PXDC1: variants seen among roughly 807,000 people sequenced by gnomAD.
PXDC1 encodes the protein PX domain-containing protein 1.
A neutral mutation model predicts 24.4 loss-of-function variants in PXDC1; 13 were observed. The observed-to-expected ratio is 0.53, with a 90% CI of 0.35 to 0.85. The LOEUF is 0.85. Ranked by LOEUF, PXDC1 falls within the 40% of genes least tolerant of loss-of-function variation. PXDC1 has a pLI of 0.01. For missense variants in PXDC1, 344 were observed against 309.3 expected (o/e 1.11, Z -0.84); for synonymous variants, 162 against 124.9 (o/e 1.30, Z -1.98).
chr6:3,745,731 A>C (rs553357438), intron 1 of PXDC1, among the ~76,000 whole-genome samples: 2 of 152,198 alleles, frequency 1.3e-5, no homozygotes, highest in South Asian at 4.1e-4. Context: ...GTGATCCAGC[A>C]ATCTGGCAAG....
At chr6:3,750,696 G>A (rs938929682) in intron 1 of PXDC1, among the ~76,000 whole-genome samples, 6 of 152,194 alleles carry the variant, frequency 3.9e-5, no homozygotes, top group Non-Finnish European at 7.3e-5. Context: ...GGGGTGCGGG[G>A]GGGCCCTGGC....
intron 3 of PXDC1, among the ~76,000 whole-genome samples, chr6:3,732,442 C>T (rs931822712): frequency 6.6e-6 from 1 of 152,228 alleles, no homozygotes; most frequent in Non-Finnish European, 1.5e-5. Context: ...TGATTCATTT[C>T]CAGGCCTCTT....
Position 3,746,975 on chromosome 6 carries a change from G to A in PXDC1, c.256+4301C>T, listed in dbSNP as rs1435680540. 4.6e-5 allele frequency among the ~76,000 whole-genome samples: 7 copies of A among 152,242 alleles called. No individual in the cohort carries two copies. The South Asian group carries it at 1.0e-3, about 23-fold the overall frequency. ...GGTACTCGGATCTCAAATCTAAGAC[G>A]ACAGTCTCCTAGCATGCAGGTAGAT... On this transcript the variant is annotated intron_variant, in intron 1 of 4. Transcript: ENST00000380283.
Position 3,723,593 on chromosome 6 carries a change from A to C in PXDC1, c.*26T>G. On this transcript the variant is annotated 3_prime_UTR_variant, in exon 5 of 5. Coordinates refer to ENST00000380283, the MANE Select transcript of PXDC1 (RefSeq NM_183373.4). The stretch of plus-strand genomic sequence containing the variant: ...CATCAGAGCTGGCAGTGAACAGCTG[A>C]GGCGGGGGAGGCCTGATAGAGAGGT... 1 of 1,537,550 alleles carries C rather than the reference A, an allele frequency of 6.5e-7. No individual in the cohort carries two copies. Among genetic ancestry groups the C allele is most frequent in the Non-Finnish European group, 9.0e-7 (1 of 1,110,892 alleles).
At chr6:3,727,745 T>C in intron 3 of PXDC1, 83 bp from the exon 4 acceptor site, 4 of 844,728 alleles carry the variant, frequency 4.7e-6, no homozygotes, top group Non-Finnish European at 6.0e-6. Flanking sequence ...CCCATCTCCC[T>C]GCTTTCTCCT....
chr6:3,736,955 T>C (rs1199811170), intron 3 of PXDC1, 124 bp downstream of exon 3: 2 of 716,034 alleles, frequency 2.8e-6, no homozygotes, highest in Non-Finnish European at 5.1e-6. Context: ...ACATTCGCAT[T>C]TCTCTCGATT....
In PXDC1 at chr6:3,724,777, G is replaced by T. The variant is rs1219331565; in HGVS notation, c.579-1041C>A. Among the ~76,000 whole-genome samples the T allele has an allele frequency of 6.6e-6, 1 of 152,248 alleles. No individual in the cohort carries two copies. Among genetic ancestry groups the T allele is most frequent in the Non-Finnish European group, 1.5e-5 (1 of 68,040 alleles). On this transcript the variant is annotated intron_variant, in intron 4 of 4. Coordinates refer to ENST00000380283, the MANE Select transcript of PXDC1 (RefSeq NM_183373.4). This position sits in a 1 kb window ranked among gnomAD's most constrained non-coding sequence, Gnocchi z 4.5. ...GATGACTGCACAGTCCAGGCCCCTGGCCGGACACACAACAAGGCAGGGCGA... is the reference window on the plus strand; with the variant it reads ...GATGACTGCACAGTCCAGGCCCCTGTCCGGACACACAACAAGGCAGGGCGA...
chr6:3,737,008 T>C lies in PXDC1; in HGVS notation c.466+71A>G. ...TGGCCCAGCCTCAGAGACAGCCAACTGTGAGGGTTTCTGTGACATCTCAGC... is the reference window on the plus strand; with the variant it reads ...TGGCCCAGCCTCAGAGACAGCCAACCGTGAGGGTTTCTGTGACATCTCAGC... On this transcript the variant is annotated intron_variant, in intron 3 of 4. Coordinates refer to ENST00000380283, the MANE Select transcript of PXDC1 (RefSeq NM_183373.4). The surrounding 1 kb of genome is among the most constrained non-coding windows in gnomAD (Gnocchi z 5.5). The C allele has an allele frequency of 1.1e-6, 1 of 909,192 alleles. No individual in the cohort carries two copies. The highest frequency in any genetic ancestry group is 1.8e-6 in the Non-Finnish European group (1 of 541,860). 56.3% of individuals were successfully genotyped at this position (909,192 alleles called of 1,614,324 possible). A position where few individuals can be genotyped will look rare whatever the true frequency, so the allele number is the denominator to read the frequency against.
Position 3,723,166 on chromosome 6 carries a change from A to C in PXDC1, c.*453T>G, listed in dbSNP as rs1759977726. 2 of 160,100 alleles carry C rather than the reference A, an allele frequency of 1.2e-5. No individual in the cohort carries two copies. Among genetic ancestry groups the C allele is most frequent in the Non-Finnish European group, 2.7e-5 (2 of 73,964 alleles). 9.9% of individuals were successfully genotyped at this position (160,100 alleles called of 1,614,324 possible). A position where few individuals can be genotyped will look rare whatever the true frequency, so the allele number is the denominator to read the frequency against. The stretch of plus-strand genomic sequence containing the variant: ...CTGCCTGTGGCACCTGGAATGGGTG[A>C]CTTGTCAAAATCTCCCTCAAGACGT... On this transcript the variant is annotated 3_prime_UTR_variant, in exon 5 of 5. Coordinates refer to ENST00000380283, the MANE Select transcript of PXDC1 (RefSeq NM_183373.4).
Position 3,728,460 on chromosome 6 carries a change from A to G in PXDC1, c.467-798T>C, listed in dbSNP as rs1458141950. ...TCGCTTTATGTAATTCTGTATGTAA[A>G]TGATTTTTTTCCCAAATAAGCACAG... On this transcript the variant is annotated intron_variant, in intron 3 of 4. Coordinates refer to ENST00000380283, the MANE Select transcript of PXDC1 (RefSeq NM_183373.4). The surrounding 1 kb of genome is among the most constrained non-coding windows in gnomAD (Gnocchi z 4.0). Among the ~76,000 whole-genome samples the G allele has an allele frequency of 2.0e-5, 3 of 152,128 alleles. No individual in the cohort carries two copies. Among genetic ancestry groups the G allele is most frequent in the Non-Finnish European group, 4.4e-5 (3 of 68,026 alleles).
At chr6:3,744,159 A>C (rs1231694080) in intron 1 of PXDC1, among the ~76,000 whole-genome samples, 2 of 152,096 alleles carry the variant, frequency 1.3e-5, no homozygotes, top group Non-Finnish European at 2.9e-5. Flanking sequence ...CTCTTCCTAA[A>C]TTTTAGACTC....
chr6:3,723,837 G>T, intron 4 of PXDC1, 101 bp from the exon 5 acceptor site: 2 of 888,530 alleles, frequency 2.3e-6, no homozygotes, highest in Non-Finnish European at 3.7e-6. Flanking sequence ...CCGCTAGTAA[G>T]TGTGCAAAAA....
In PXDC1 at chr6:3,723,686, G is replaced by C. The variant is rs1759992478; in HGVS notation, c.629C>G (p.Pro210Arg). The change falls in exon 5 of 5, where the codon CCA becomes CGA. Residue 210 changes from proline to arginine, a missense_variant. Transcript: ENST00000380283. ...FPSELEDGDD[P>R]AAYVTNLSYY... ...TGACAGGTTGGTGACGTAGGCTGCT[G>C]GGTCGTCCCCGTCCTCCAGCTCTGA... The C allele has an allele frequency of 6.2e-7, 1 of 1,614,176 alleles. No individual in the cohort carries two copies. The highest frequency in any genetic ancestry group is 8.5e-7 in the Non-Finnish European group (1 of 1,180,022).
At position 3,729,692 on chromosome 6, in the gene PXDC1, C is replaced by A. The variant is rs190767805; in HGVS notation, c.467-2030G>T. On this transcript the variant is annotated intron_variant, in intron 3 of 4. Transcript: ENST00000380283. Reference sequence around the variant, plus strand: ...TCGCCTCTCTATCTAAAATGGGTGGCAGCACAGAACCACTGCCTTTATTGT... The same window carrying A: ...TCGCCTCTCTATCTAAAATGGGTGGAAGCACAGAACCACTGCCTTTATTGT... Among the ~76,000 whole-genome samples, 157 of 152,352 alleles carry A rather than the reference C, an allele frequency of 1.0e-3. 2 individuals are homozygous for A. Among genetic ancestry groups the A allele is most frequent in the South Asian group, 6.6e-3 (32 of 4,826 alleles).
Position 3,737,141 on chromosome 6 carries a change from A to G in PXDC1, c.404T>C (p.Val135Ala). 2 of 1,613,836 alleles carry G rather than the reference A, an allele frequency of 1.2e-6. No individual in the cohort carries two copies. Among genetic ancestry groups the G allele is most frequent in the Non-Finnish European group, 1.7e-6 (2 of 1,179,742 alleles). Residue 135 changes from valine to alanine, a missense_variant, in exon 3 of 5, where the codon GTG becomes GCG. Val to Ala is a moderately conservative substitution (Grantham distance 64, BLOSUM62 0). Transcript: ENST00000380283. This position sits in a 1 kb window ranked among gnomAD's most constrained non-coding sequence, Gnocchi z 5.5. ...TTTATGCACATTATCATTTTTTAAC[A>G]CCTGATCCAGAGGAGATCTTTCGAA... ...TFFERSPLDQ[V>A]LKNDNVHKIQ...
chr6:3,736,970 T>C, intron 3 of PXDC1, 109 bp downstream of exon 3: 1 of 732,912 alleles, frequency 1.4e-6, no homozygotes, highest in Non-Finnish European at 2.5e-6. Context: ...TCGATTGTCT[T>C]TCTGGAAAAG....
At chr6:3,745,094 A>G (rs1056453023) in intron 1 of PXDC1, among the ~76,000 whole-genome samples, 6 of 152,256 alleles carry the variant, frequency 3.9e-5, no homozygotes, top group Non-Finnish European at 7.3e-5. Flanking sequence ...TGGACGAGCA[A>G]GGCCACAGGC....
At chr6:3,746,129 A>G (rs1349638107) in intron 1 of PXDC1, among the ~76,000 whole-genome samples, 2 of 152,142 alleles carry the variant, frequency 1.3e-5, no homozygotes, top group Non-Finnish European at 2.9e-5. Flanking sequence ...GCCAACTGCC[A>G]CCGTGAAAGG....
At chr6:3,727,685 G>A in intron 3 of PXDC1, 23 bp from the exon 4 acceptor site, 2 of 1,493,700 alleles carry the variant, frequency 1.3e-6, no homozygotes, top group East Asian at 2.3e-5. Flanking sequence ...GCAACAAGGT[G>A]AGTCCTCAGG....
Sources: gnomAD v4.1 joint callset for allele counts (sites outside exome capture counted in the v4.1 genomes callset) on GRCh38, gnomAD v4.1.1 for gene constraint, Gnocchi (gnomAD v3.1) non-coding constraint, MANE v1.5 for transcripts, NCBI Gene and HGNC (gene_info 2026-07-23, HGNC 2026-07-21) for gene names.